The following CDH8 variants were observed in gnomAD, a reference collection of about 807,000 sequenced individuals.
The protein encoded by CDH8 is cadherin 8.
CDH8 carries 17 observed loss-of-function variants against 68.1 expected under a neutral mutation model. That is an observed-to-expected ratio of 0.25 (90% CI 0.17 to 0.37). CDH8 has a LOEUF of 0.37. CDH8 is among the 10% of genes least tolerant of loss of function. The pLI is 1.00. For synonymous variants in CDH8, 372 were observed against 365.1 expected, an observed-to-expected ratio of 1.02 and a Z score of -0.21; for missense variants, 763 against 999.3, an observed-to-expected ratio of 0.76 and a Z score of 3.19.
intron 8 of CDH8, among the ~76,000 whole-genome samples, chr16:61,748,491 C>T (rs904360592): frequency 6.6e-6 from 1 of 151,852 alleles, no homozygotes. Flanking sequence ...ACAGAGTAAA[C>T]ACACATTCAC....
intron 7 of CDH8, among the ~76,000 whole-genome samples, chr16:61,795,835 C>T (rs894407690): frequency 6.6e-6 from 1 of 152,084 alleles, no homozygotes; most frequent in African/African-American, 2.4e-5. Context: ...GCATAGACTT[C>T]AAGCAAAGAG....
intron 4 of CDH8, among the ~76,000 whole-genome samples, chr16:61,839,405 G>A (rs954154137): frequency 6.6e-6 from 1 of 152,100 alleles, no homozygotes; most frequent in Non-Finnish European, 1.5e-5. Context: ...TTAGAGGAAA[G>A]TATAAAATAA....
intron 3 of CDH8, among the ~76,000 whole-genome samples, chr16:61,891,137 A>G (rs1963769281): frequency 6.6e-6 from 1 of 152,052 alleles, no homozygotes; most frequent in Admixed American, 6.6e-5. Flanking sequence ...TAAAGAGATC[A>G]GGGATGTGGA....
At position 61,653,169 on chromosome 16, in the gene CDH8, G is replaced by A. The variant is rs1389828092; in HGVS notation, c.*439C>T. 2 of 1,227,786 alleles carry A rather than the reference G, an allele frequency of 1.6e-6. No homozygotes were observed. Among genetic ancestry groups the A allele is most frequent in the African/African-American group, 1.6e-5 (1 of 64,182 alleles). The allele number at this position is 1,227,786 out of a possible 1,614,324, so 76.1% of individuals were successfully genotyped here. ...ATCATTTGTGGCGGGATCCTTATTG[G>A]TGAAGGGGAAAAAACCATTTGCATT... On this transcript the variant is annotated 3_prime_UTR_variant, in exon 12 of 12. Coordinates refer to ENST00000577390, the MANE Select transcript of CDH8 (RefSeq NM_001796.5).
At chr16:62,022,797 G>C (rs190245688) in intron 1 of CDH8, among the ~76,000 whole-genome samples, 1 of 152,198 alleles carries the variant, frequency 6.6e-6, no homozygotes, top group African/African-American at 2.4e-5. Context: ...AGCTGAAAGG[G>C]GCAGACCCAG....
chr16:61,957,536 T>C (rs1161074125), intron 2 of CDH8, among the ~76,000 whole-genome samples: 1 of 152,162 alleles, frequency 6.6e-6, no homozygotes, highest in African/African-American at 2.4e-5. Flanking sequence ...GAGGGCAGGA[T>C]ATAGGATGGA....
At chr16:61,923,960 T>C (rs1379313874) in intron 2 of CDH8, among the ~76,000 whole-genome samples, 4 of 151,016 alleles carry the variant, frequency 2.6e-5, no homozygotes, top group African/African-American at 9.7e-5. Context: ...ATCAGAATCA[T>C]AAGTAAAAAC....
chr16:61,756,772 A>G (rs1237410203), intron 8 of CDH8, among the ~76,000 whole-genome samples: 1 of 152,180 alleles, frequency 6.6e-6, no homozygotes, highest in African/African-American at 2.4e-5. Flanking sequence ...AGTACATGTT[A>G]TTGACCCTGG....
At chr16:61,973,694 A>G (rs1487028995) in intron 2 of CDH8, among the ~76,000 whole-genome samples, 1 of 152,248 alleles carries the variant, frequency 6.6e-6, no homozygotes, top group African/African-American at 2.4e-5. Flanking sequence ...AAGTCATGAA[A>G]ATAGATAAAC....
chr16:61,701,754 C>T (rs1964431797), intron 10 of CDH8, among the ~76,000 whole-genome samples: 1 of 152,180 alleles, frequency 6.6e-6, no homozygotes, highest in Non-Finnish European at 1.5e-5. Flanking sequence ...CAAAGGGCCA[C>T]TCCAGGCCTT....
chr16:61,920,409 A>G lies in CDH8; in HGVS notation c.253-18936T>C, dbSNP rs1330741941. On this transcript the variant is annotated intron_variant, in intron 2 of 11. Transcript: ENST00000577390. ...AATGAACTCAAACAAATTTACAAGA[A>G]AAAAACAAACAACCCCATCAAAAAG... 6.0e-5 allele frequency among the ~76,000 whole-genome samples: 9 copies of G among 149,374 alleles called. No homozygotes were observed. The East Asian group carries it at 1.8e-3, about 30-fold the overall frequency.
chr16:61,994,962 C>T (rs564255870), intron 2 of CDH8, among the ~76,000 whole-genome samples: 1 of 152,294 alleles, frequency 6.6e-6, no homozygotes, highest in East Asian at 1.9e-4. Flanking sequence ...TCCCACAATA[C>T]TTAGTTTCTG....
chr16:61,648,585 C>A lies in CDH8; in HGVS notation c.*5023G>T, dbSNP rs1271032891. The A allele has an allele frequency of 4.0e-5, 6 of 151,466 alleles. No homozygotes were observed. Among genetic ancestry groups the A allele is most frequent in the African/African-American group, 1.5e-4 (6 of 41,312 alleles). The allele number at this position is 151,466 out of a possible 1,614,324, so 9.4% of individuals were successfully genotyped here. A position where few individuals can be genotyped will look rare whatever the true frequency, so the allele number is the denominator to read the frequency against. ...GTGTCAGATCAACCAAACTTAAACC[C>A]AGACTCAAATAGTATTTATCCATAG... On this transcript the variant is annotated 3_prime_UTR_variant, in exon 12 of 12. Transcript: ENST00000577390.
At chr16:61,914,718 TATAATA>T (rs1037213390) in intron 2 of CDH8, among the ~76,000 whole-genome samples, 10 of 141,300 alleles carry the variant, frequency 7.1e-5, no homozygotes, top group African/African-American at 2.6e-4. Context: ...GAACTGAAAG[TATAATA>T]ATAATAATAA....
intron 10 of CDH8, among the ~76,000 whole-genome samples, chr16:61,699,430 AG>A (rs1181848286): frequency 3.9e-5 from 6 of 152,250 alleles, no homozygotes; most frequent in Admixed American, 3.3e-4. Context: ...CACTGCATTA[AG>A]AAATTAAATG....
At chr16:61,666,949 C>T (rs1220757645) in intron 10 of CDH8, among the ~76,000 whole-genome samples, 2 of 151,960 alleles carry the variant, frequency 1.3e-5, no homozygotes, top group Non-Finnish European at 2.9e-5. Context: ...TTCATTTATA[C>T]CTTTCTACTC....
chr16:61,814,451 G>A (rs945773404), intron 7 of CDH8, among the ~76,000 whole-genome samples: 6 of 152,116 alleles, frequency 3.9e-5, no homozygotes, highest in Non-Finnish European at 7.3e-5. Flanking sequence ...TATAGTAGTA[G>A]GTATAAGAAG....
intron 9 of CDH8, chr16:61,726,826 A>G (rs1304943376): frequency 1.1e-5 from 5 of 471,682 alleles, no homozygotes; most frequent in Admixed American, 3.8e-5. Context: ...TATCATCCAT[A>G]TCCCAAGATA....
chr16:61,688,854 T>TA (rs929196229), intron 10 of CDH8, among the ~76,000 whole-genome samples: 24 of 152,086 alleles, frequency 1.6e-4, no homozygotes, highest in Admixed American at 3.3e-4. Context: ...TTCAATGGAA[T>TA]AAAAAATCTC....
Sources: gnomAD v4.1 joint callset for allele counts (sites outside exome capture counted in the v4.1 genomes callset) on GRCh38, gnomAD v4.1.1 for gene constraint, MANE v1.5 for transcripts, NCBI Gene and HGNC (gene_info 2026-07-23, HGNC 2026-07-21) for gene names.